Variants in ZDHHC14 observed in about 807,000 individuals in gnomAD.
ZDHHC14 encodes the protein zDHHC palmitoyltransferase 14.
ZDHHC14 carries 16 observed loss-of-function variants against 47.7 expected under a neutral mutation model. The observed-to-expected ratio is 0.34, with a 90% confidence interval of 0.23 to 0.51. ZDHHC14 has a LOEUF of 0.51. Among genes scored for constraint, ZDHHC14 ranks in the 20% least tolerant of loss-of-function variants. The pLI is 0.97. For missense variants in ZDHHC14, 515 were observed against 662.5 expected (o/e 0.78, Z 2.44); for synonymous variants, 293 against 278.9 (o/e 1.05, Z -0.50).
chr6:157,554,304 C>A lies in ZDHHC14; in HGVS notation c.406+11559C>A, dbSNP rs558097846. Among the ~76,000 whole-genome samples, 83 of 152,302 alleles carry A rather than the reference C, an allele frequency of 5.4e-4. 1 individual carries two copies. The highest frequency in any genetic ancestry group is 2.0e-3 in the African/African-American group (82 of 41,566). ...GCCTTCACCAAACCCAAATATAACA[C>A]CCTTGGTGGACGATGAGTGGCAGCT... On this transcript the variant is annotated intron_variant, in intron 2 of 8. Transcript: ENST00000359775.
At chr6:157,653,846 G>C (rs1366277390) in intron 8 of ZDHHC14, among the ~76,000 whole-genome samples, 1 of 152,210 alleles carries the variant, frequency 6.6e-6, no homozygotes, top group African/African-American at 2.4e-5. Flanking sequence ...CTTGTTCACA[G>C]TTGCGCAGGG....
intron 1 of ZDHHC14, among the ~76,000 whole-genome samples, chr6:157,488,846 G>A (rs1273072193): frequency 1.3e-5 from 2 of 152,232 alleles, no homozygotes; most frequent in African/African-American, 2.4e-5. Flanking sequence ...CTTCCCAGGA[G>A]TTTGCATTCT....
At chr6:157,514,915 C>G (rs1317932405) in intron 1 of ZDHHC14, among the ~76,000 whole-genome samples, 3 of 152,218 alleles carry the variant, frequency 2.0e-5, no homozygotes, top group African/African-American at 7.2e-5. Context: ...ATCTGGTTCT[C>G]GACTTGGCAG....
At chr6:157,566,196 G>A (rs995596327) in intron 2 of ZDHHC14, among the ~76,000 whole-genome samples, 1 of 151,990 alleles carries the variant, frequency 6.6e-6, no homozygotes, top group Non-Finnish European at 1.5e-5. Context: ...GCTCTATTGC[G>A]AGTCAACTGG....
Position 157,381,630 on chromosome 6 carries a change from C to A in ZDHHC14, c.-392C>A. The A allele has an allele frequency of 9.8e-6, 2 of 204,776 alleles. No individual in the cohort carries two copies. Among genetic ancestry groups the A allele is most frequent in the South Asian group, 1.1e-4 (2 of 18,886 alleles). The allele number at this position is 204,776 out of a possible 1,614,324, so 12.7% of individuals were successfully genotyped here. A position where few individuals can be genotyped will look rare whatever the true frequency, so the allele number is the denominator to read the frequency against. ...TCGGGGCGCAGTGCTCGGGGGTCGG[C>A]GGGCCAGAGCCGAGGCGCGGCCGGG... is the stretch of plus-strand genomic sequence containing the variant. On this transcript the variant is annotated 5_prime_UTR_variant, in exon 1 of 9. Transcript: ENST00000359775.
chr6:157,459,444 G>A (rs763021345), intron 1 of ZDHHC14, among the ~76,000 whole-genome samples: 17 of 152,208 alleles, frequency 1.1e-4, no homozygotes, highest in Non-Finnish European at 2.4e-4. Flanking sequence ...TTGTTGGAGG[G>A]ACAGTATGAG....
intron 1 of ZDHHC14, among the ~76,000 whole-genome samples, chr6:157,449,792 T>A (rs1205403747): frequency 6.6e-6 from 1 of 152,174 alleles, no homozygotes; most frequent in Admixed American, 6.5e-5. Flanking sequence ...TGATGGAAAA[T>A]TCATGCAGAG....
chr6:157,552,341 A>AG (rs1782268018), intron 2 of ZDHHC14, among the ~76,000 whole-genome samples: 1 of 152,074 alleles, frequency 6.6e-6, no homozygotes, highest in Admixed American at 6.5e-5. Flanking sequence ...TCGGCAGGGC[A>AG]GGGCAGGCGG....
intron 1 of ZDHHC14, among the ~76,000 whole-genome samples, chr6:157,528,192 C>T (rs1271758780): frequency 6.6e-6 from 1 of 152,126 alleles, no homozygotes; most frequent in African/African-American, 2.4e-5. Flanking sequence ...TTGCCTTTTG[C>T]CCTTCTCTTT....
At chr6:157,621,302 G>C (rs908001909) in intron 3 of ZDHHC14, among the ~76,000 whole-genome samples, 1 of 152,044 alleles carries the variant, frequency 6.6e-6, no homozygotes, top group South Asian at 2.1e-4. Context: ...ACAACAAATG[G>C]AATATACCTC....
intron 2 of ZDHHC14, among the ~76,000 whole-genome samples, chr6:157,565,747 G>C (rs1582950511): frequency 6.6e-6 from 1 of 151,732 alleles, no homozygotes; most frequent in Non-Finnish European, 1.5e-5. Context: ...AGGAGGCGGA[G>C]GTTGCAGTGA....
At chr6:157,450,998 TTGTGTGTGTG>T (rs34066002) in intron 1 of ZDHHC14, among the ~76,000 whole-genome samples, 1 of 147,526 alleles carries the variant, frequency 6.8e-6, no homozygotes, top group Non-Finnish European at 1.5e-5. Context: ...AAGTCTGGTC[TTGTGTGTGTG>T]TGTGTGTGTG....
intron 1 of ZDHHC14, among the ~76,000 whole-genome samples, chr6:157,499,393 C>G (rs1053800784): frequency 5.3e-5 from 8 of 152,054 alleles, no homozygotes; most frequent in African/African-American, 1.9e-4. Flanking sequence ...GAGCCAGCCC[C>G]AGGCTCTTCC....
intron 1 of ZDHHC14, among the ~76,000 whole-genome samples, chr6:157,392,440 G>A (rs1260302536): frequency 6.6e-6 from 1 of 151,922 alleles, no homozygotes; most frequent in Non-Finnish European, 1.5e-5. Context: ...TGTGTATACA[G>A]CCCCCCGTGT....
At chr6:157,426,915 G>C (rs113908490) in intron 1 of ZDHHC14, among the ~76,000 whole-genome samples, 1 of 152,238 alleles carries the variant, frequency 6.6e-6, no homozygotes, top group African/African-American at 2.4e-5. Flanking sequence ...GACAGCTGGG[G>C]CTGAGGGACC....
At chr6:157,610,877 A>G (rs181251896) in intron 3 of ZDHHC14, among the ~76,000 whole-genome samples, 8 of 152,352 alleles carry the variant, frequency 5.3e-5, no homozygotes, top group East Asian at 3.9e-4. Context: ...GTGCCAATTT[A>G]TAAGTGTAGA....
At chr6:157,550,008 C>T (rs141300103) in intron 2 of ZDHHC14, among the ~76,000 whole-genome samples, 15 of 152,344 alleles carry the variant, frequency 9.8e-5, no homozygotes, top group Non-Finnish European at 2.2e-4. Flanking sequence ...TAGCTCCTGT[C>T]TCCTGGTGGA....
rs1341616785 is a variant in ZDHHC14 at position 157,427,351 on chromosome 6, A to G, written c.245+45085A>G. On this transcript the variant is annotated intron_variant, in intron 1 of 8. Coordinates refer to ENST00000359775, the MANE Select transcript of ZDHHC14 (RefSeq NM_024630.3). The surrounding 1 kb of genome is among the most constrained non-coding windows in gnomAD (Gnocchi z 4.4). ...GTTTGGAAATGTCACTCAGTGAAAT[A>G]GGAAGGGAAAGTGTCTACAGAGATG... Among the ~76,000 whole-genome samples the G allele has an allele frequency of 6.6e-6, 1 of 152,158 alleles. No individual in the cohort carries two copies. Among genetic ancestry groups the G allele is most frequent in the Non-Finnish European group, 1.5e-5 (1 of 68,026 alleles).
At chr6:157,487,367 G>C (rs1179954542) in intron 1 of ZDHHC14, among the ~76,000 whole-genome samples, 2 of 152,188 alleles carry the variant, frequency 1.3e-5, no homozygotes. Flanking sequence ...GGTGGCATTT[G>C]GAGTCTCACT....
Sources: allele counts gnomAD v4.1 joint callset (sites outside exome capture counted in the v4.1 genomes callset), GRCh38; gene constraint gnomAD v4.1.1; non-coding constraint Gnocchi (gnomAD v3.1); transcripts MANE v1.5; gene names NCBI Gene and HGNC (gene_info 2026-07-23, HGNC 2026-07-21).